SLC17A4: variants seen among roughly 807,000 people sequenced by gnomAD.
SLC17A4 encodes solute carrier family 17 member 4.
SLC17A4 carries 33 observed loss-of-function variants against 52.5 expected under a neutral mutation model. The observed-to-expected ratio is 0.63, with a 90% CI of 0.48 to 0.84. The LOEUF (loss-of-function observed/expected upper bound fraction) is 0.84. Among genes scored for constraint, SLC17A4 ranks in the 40% least tolerant of loss-of-function variants. The pLI is 0.00. For missense variants in SLC17A4, 585 were observed against 597.1 expected (o/e 0.98, Z 0.21); for synonymous variants, 225 against 216.2 (o/e 1.04, Z -0.36).
At chr6:25,762,800 T>C (rs556032370) in intron 2 of SLC17A4, among the ~76,000 whole-genome samples, 2 of 152,314 alleles carry the variant, frequency 1.3e-5, no homozygotes, top group South Asian at 4.1e-4. Flanking sequence ...CTAGTCACCA[T>C]TTGACCCAGA....
chr6:25,768,185 C>T lies in SLC17A4; in HGVS notation c.92-800C>T, dbSNP rs544185723. 2.0e-4 allele frequency among the ~76,000 whole-genome samples: 30 copies of T among 152,220 alleles called. No homozygotes were observed. The South Asian group carries it at 6.0e-3, about 31-fold the overall frequency. ...GGAACTAAATGCTCTCAGAGTTGAA[C>T]CAAAGGTAAGAGCTAGAACTTAGCA... On this transcript the variant is annotated intron_variant, in intron 2 of 11. Transcript: ENST00000377905.
rs41271825 is a variant in SLC17A4, at chr6:25,776,957, T to G, written c.1266T>G (p.Pro422=). ...GALVNFLDIA[P]RYTGFLKGLL... is the part of the protein sequence containing the mutation. ...TTGTTAACTTCTTGGATATTGCTCC[T>G]CGGTAGGGACCTCTTTTGCCTCATC... The change falls in exon 10 of 12, where the codon CCT becomes CCG. Residue 422 remains proline, a splice_region_variant and synonymous_variant. Coordinates refer to ENST00000377905, the MANE Select transcript of SLC17A4 (RefSeq NM_005495.3). 1,219 of 1,610,420 alleles carry G rather than the reference T, an allele frequency of 7.6e-4. No individual in the cohort carries two copies. The highest frequency in any genetic ancestry group is 9.4e-4 in the Non-Finnish European group (1,110 of 1,177,900).
intron 8 of SLC17A4, among the ~76,000 whole-genome samples, chr6:25,774,704 C>T (rs1474624383): frequency 1.3e-5 from 2 of 152,068 alleles, no homozygotes; most frequent in South Asian, 2.1e-4. Context: ...TGGGCTTGAC[C>T]CTCAGAGGCC....
intron 8 of SLC17A4, 126 bp downstream of exon 8, chr6:25,773,800 A>G: frequency 1.1e-6 from 1 of 875,700 alleles, no homozygotes; most frequent in Non-Finnish European, 1.7e-6. Context: ...GGACCTCCAT[A>G]TAGGAAATGC....
Position 25,769,017 on chromosome 6 carries a change from A to C in SLC17A4, c.124A>C (p.Ile42Leu). 1 of 1,614,054 alleles carries C rather than the reference A, an allele frequency of 6.2e-7. No homozygotes were observed. The highest frequency in any genetic ancestry group is 2.2e-5 in the East Asian group (1 of 44,868). ...TTCAGTCCGACATGGGCTGGCCCTC[A>C]TCTTGCAGCTCTGTAATTTTTCAAT... is the stretch of plus-strand genomic sequence containing the variant. ...FCSVRHGLAL[I>L]LQLCNFSIYT... Residue 42 changes from isoleucine to leucine, a missense_variant, in exon 3 of 12, where the codon ATC becomes CTC. By Grantham distance (5) the Ile-to-Leu change is conservative (BLOSUM62 2). Transcript: ENST00000377905.
At position 25,778,021 on chromosome 6, in the gene SLC17A4, G is replaced by A. The variant is rs1763080088; in HGVS notation, c.1359+5G>A. 6.2e-7 allele frequency: 1 copy of A among 1,609,488 alleles called. No homozygotes were observed. The highest frequency in any genetic ancestry group is 8.5e-7 in the Non-Finnish European group (1 of 1,178,316). On this transcript the variant is annotated splice_donor_5th_base_variant and intron_variant, in intron 11 of 11. Transcript: ENST00000377905. ...GCTGGATTTTTCATCAGTCAGGTGA[G>A]GTCAAATGTTCTGATGAATATTCAT...
chr6:25,766,499 C>T (rs1762031045), intron 2 of SLC17A4, among the ~76,000 whole-genome samples: 1 of 151,960 alleles, frequency 6.6e-6, no homozygotes, highest in Non-Finnish European at 1.5e-5. Context: ...TTAATTCATA[C>T]AAAAAATTAA....
In SLC17A4 at chr6:25,778,103, A is replaced by C. The variant is rs563661022; in HGVS notation, c.1359+87A>C. The C allele has an allele frequency of 5.2e-6, 5 of 957,470 alleles. No individual in the cohort carries two copies. The African/African-American group carries it at 8.1e-5, about 16-fold the overall frequency. The allele number at this position is 957,470 out of a possible 1,614,324, so 59.3% of individuals were successfully genotyped here. On this transcript the variant is annotated intron_variant, in intron 11 of 11. Coordinates refer to ENST00000377905, the MANE Select transcript of SLC17A4 (RefSeq NM_005495.3). ...CATATGCACGGCCTTGTATCCTAGA[A>C]GATGCTTTTAAAGTAGTCAAAAATA...
intron 2 of SLC17A4, chr6:25,768,443 T>C (rs1391384056): frequency 3.2e-6 from 3 of 938,600 alleles, no homozygotes; most frequent in African/African-American, 3.6e-5. Context: ...TGTGTAAGCA[T>C]AGATTATAGT....
intron 2 of SLC17A4, among the ~76,000 whole-genome samples, chr6:25,763,654 G>T (rs1323856924): frequency 3.3e-5 from 5 of 152,114 alleles, no homozygotes; most frequent in Non-Finnish European, 5.9e-5. Context: ...GTGGAGAAAT[G>T]CCCCCTCCCC....
intron 1 of SLC17A4, among the ~76,000 whole-genome samples, chr6:25,757,494 G>C (rs1006587327): frequency 6.6e-6 from 1 of 152,000 alleles, no homozygotes; most frequent in Admixed American, 6.6e-5. Context: ...AATAGGTCCA[G>C]TCCAGTGAAA....
Position 25,770,910 on chromosome 6 carries a change from C to A in SLC17A4, c.620-16C>A. The A allele has an allele frequency of 6.2e-7, 1 of 1,601,394 alleles. No individual in the cohort carries two copies. Among genetic ancestry groups the A allele is most frequent in the Non-Finnish European group, 8.6e-7 (1 of 1,168,430 alleles). Reference sequence around the variant, plus strand: ...CGAGTCCTCTCACCCAGAACATCCTCGCCTCTTCTGTTCAGGGTCAATGCT... The same window carrying A: ...CGAGTCCTCTCACCCAGAACATCCTAGCCTCTTCTGTTCAGGGTCAATGCT... On this transcript the variant is annotated splice_polypyrimidine_tract_variant and intron_variant, in intron 5 of 11. Coordinates refer to ENST00000377905, the MANE Select transcript of SLC17A4 (RefSeq NM_005495.3).
intron 1 of SLC17A4, among the ~76,000 whole-genome samples, chr6:25,758,815 G>T (rs762969817): frequency 1.3e-5 from 2 of 151,894 alleles, no homozygotes; most frequent in Non-Finnish European, 2.9e-5. Flanking sequence ...CTCTGATCTT[G>T]GTTATTTCTT....
intron 8 of SLC17A4, among the ~76,000 whole-genome samples, chr6:25,775,881 T>C (rs968120612): frequency 1.3e-5 from 2 of 152,214 alleles, no homozygotes; most frequent in African/African-American, 2.4e-5. Context: ...AATTAATATG[T>C]CATGGAAATC....
intron 1 of SLC17A4, among the ~76,000 whole-genome samples, chr6:25,757,274 A>T (rs1761102139): frequency 6.6e-6 from 1 of 152,086 alleles, no homozygotes; most frequent in Non-Finnish European, 1.5e-5. Flanking sequence ...ATTTTCTTTT[A>T]TATTAATAAG....
chr6:25,776,754 G>A, intron 9 of SLC17A4, 27 bp downstream of exon 9: 2 of 1,613,926 alleles, frequency 1.2e-6, no homozygotes, highest in Non-Finnish European at 8.5e-7. Context: ...ACACAGGGGT[G>A]AACGTGGGAA....
chr6:25,776,003 G>C (rs1448391509), intron 8 of SLC17A4, among the ~76,000 whole-genome samples: 1 of 152,078 alleles, frequency 6.6e-6, no homozygotes, highest in Non-Finnish European at 1.5e-5. Flanking sequence ...GCAACCCTCT[G>C]TGGAGTAAAT....
chr6:25,770,036 A>C, intron 3 of SLC17A4, 31 bp from the exon 4 acceptor site: 1 of 1,600,182 alleles, frequency 6.2e-7, no homozygotes, highest in Non-Finnish European at 8.6e-7. Context: ...CCTTCAACTA[A>C]AGACAAACAG....
chr6:25,769,380 G>T (rs1937126), intron 3 of SLC17A4, among the ~76,000 whole-genome samples, 190 bp downstream of exon 3: 1 of 151,910 alleles, frequency 6.6e-6, no homozygotes, highest in African/African-American at 2.4e-5. Flanking sequence ...CTTTGGGAGG[G>T]TGAGGCATCT....
Sources: gnomAD v4.1 joint callset for allele counts (sites outside exome capture counted in the v4.1 genomes callset) on GRCh38, gnomAD v4.1.1 for gene constraint, MANE v1.5 for transcripts, NCBI Gene and HGNC (gene_info 2026-07-23, HGNC 2026-07-21) for gene names.